Variants in SPCS2 observed in about 807,000 individuals in gnomAD.
The protein encoded by SPCS2 is signal peptidase complex subunit 2.
A neutral mutation model predicts 22.3 loss-of-function variants in SPCS2; 3 were observed. The observed-to-expected ratio is 0.13, with a 90% confidence interval of 0.06 to 0.35. The LOEUF is 0.35. SPCS2 is among the 10% of genes least tolerant of loss of function. The probability of loss-of-function intolerance (pLI) is 1.00; values close to 1 mark genes in which losing one functional copy is unlikely to be tolerated. For synonymous variants in SPCS2, 67 were observed against 97.2 expected (o/e 0.69, Z 1.83); for missense variants, 169 against 280.9 (o/e 0.60, Z 2.85).
intron 1 of SPCS2, among the ~76,000 whole-genome samples, chr11:74,956,835 A>G (rs1948481914): frequency 1.3e-5 from 2 of 151,266 alleles, no homozygotes; most frequent in South Asian, 2.1e-4. Flanking sequence ...GAGTCATTAT[A>G]CTCTGGAAAC....
At chr11:74,969,511 T>G in intron 3 of SPCS2, 54 bp from the exon 4 acceptor site, 1 of 1,548,958 alleles carries the variant, frequency 6.5e-7, no homozygotes, top group Non-Finnish European at 8.8e-7. Flanking sequence ...TGCTTGTCAA[T>G]TTGTGTTACT....
chr11:74,966,046 T>C, intron 3 of SPCS2, 123 bp downstream of exon 3: 1 of 858,412 alleles, frequency 1.2e-6, no homozygotes, highest in South Asian at 1.8e-5. Context: ...GAATTCAACA[T>C]TTTGAGCTGT....
chr11:74,965,899 C>G lies in SPCS2; in HGVS notation c.335C>G (p.Pro112Arg), dbSNP rs1341735441. The G allele has an allele frequency of 6.2e-7, 1 of 1,611,188 alleles. No individual in the cohort carries two copies. The highest frequency in any genetic ancestry group is 8.5e-7 in the Non-Finnish European group (1 of 1,179,150). The change falls in exon 3 of 5, where the codon CCC (proline) becomes CGC (arginine). Residue 112 changes from proline to arginine, a missense_variant. Physicochemically the swap from Pro to Arg is moderately radical, Grantham distance 103. Transcript: ENST00000263672. ...ATGCACCCCTTTCCAGAGTCCAAAC[C>G]CGTTTTGGCTTTGTGTGTCATATCA... The part of the protein sequence containing the change: ...DYMHPFPESK[P>R]VLALCVISYF...
chr11:74,978,819 T>C lies in SPCS2; in HGVS notation c.*1776T>C, dbSNP rs1201001507. On this transcript the variant is annotated 3_prime_UTR_variant, in exon 5 of 5. Coordinates refer to ENST00000263672, the MANE Select transcript of SPCS2 (RefSeq NM_014752.3). ...TCGAGGCTTGCAGATAGAGACTGAA[T>C]AACCCTCTCCATGATGATCCCTTAG... 1 of 152,220 alleles carries C rather than the reference T, an allele frequency of 6.6e-6. No homozygotes were observed. Among genetic ancestry groups the C allele is most frequent in the African/African-American group, 2.4e-5 (1 of 41,452 alleles). 9.4% of individuals were successfully genotyped at this position (152,220 alleles called of 1,614,324 possible).
intron 1 of SPCS2, among the ~76,000 whole-genome samples, chr11:74,960,419 A>G (rs1227887872): frequency 6.6e-6 from 1 of 151,752 alleles, no homozygotes; most frequent in East Asian, 1.9e-4. Flanking sequence ...TTTCAGCCAA[A>G]TTGCAGTTGG....
chr11:74,949,600 C>T (rs1251415366), intron 1 of SPCS2: 2 of 634,304 alleles, frequency 3.2e-6, no homozygotes, highest in Non-Finnish European at 5.9e-6. Context: ...CTCTTTAGAA[C>T]TTCTTCTTTT....
intron 4 of SPCS2, among the ~76,000 whole-genome samples, chr11:74,970,980 CA>C (rs971793491): frequency 2.0e-5 from 3 of 148,656 alleles, no homozygotes; most frequent in African/African-American, 4.9e-5. Flanking sequence ...TTCATCACCT[CA>C]AAAAAAAAAC....
At chr11:74,963,743 T>G (rs1948528315) in intron 1 of SPCS2, 3 of 222,536 alleles carry the variant, frequency 1.3e-5, no homozygotes, top group South Asian at 9.8e-5. Context: ...GTACTTGTGC[T>G]CAATCCGAAA....
chr11:74,949,392 T>C lies in SPCS2; in HGVS notation c.107T>C (p.Leu36Ser). 6.4e-7 allele frequency: 1 copy of C among 1,551,252 alleles called. No homozygotes were observed. The highest frequency in any genetic ancestry group is 8.7e-7 in the Non-Finnish European group (1 of 1,146,780). ...CGTGSGRSGL[L>S]DKWKIDDKPV... ...ACAGGAAGTGGCCGTAGCGGCTTGT[T>C]GGATAAGGTGAGGAGCCGGTTCTTG... Residue 36 changes from leucine to serine, a missense_variant, in exon 1 of 5, where the codon TTG (leucine) becomes TCG (serine). Coordinates refer to ENST00000263672, the MANE Select transcript of SPCS2 (RefSeq NM_014752.3).
intron 1 of SPCS2, among the ~76,000 whole-genome samples, chr11:74,960,156 C>A (rs939362620): frequency 5.3e-5 from 8 of 152,094 alleles, no homozygotes; most frequent in African/African-American, 1.7e-4. Context: ...CATGGTGAAA[C>A]CCCATCTCTA....
intron 4 of SPCS2, among the ~76,000 whole-genome samples, chr11:74,970,320 C>T (rs1297973664): frequency 1.3e-5 from 2 of 152,148 alleles, no homozygotes; most frequent in East Asian, 3.8e-4. Flanking sequence ...ATAATAATAG[C>T]AAATGTTTAT....
At chr11:74,962,548 CAAAA>C (rs10708446) in intron 1 of SPCS2, among the ~76,000 whole-genome samples, 1 of 127,736 alleles carries the variant, frequency 7.8e-6, no homozygotes, top group Non-Finnish European at 1.7e-5. Context: ...AAAATTGAGG[CAAAA>C]AAAAAAAAAA....
chr11:74,951,588 A>G (rs1228993547), intron 1 of SPCS2, among the ~76,000 whole-genome samples: 1 of 152,056 alleles, frequency 6.6e-6, no homozygotes, highest in Non-Finnish European at 1.5e-5. Flanking sequence ...AGGCAGGCGG[A>G]TCACCTGAGG....
intron 1 of SPCS2, among the ~76,000 whole-genome samples, chr11:74,955,149 C>T (rs1948469660): frequency 6.6e-6 from 1 of 152,166 alleles, no homozygotes; most frequent in Non-Finnish European, 1.5e-5. Context: ...TGTGGTGGCA[C>T]TCTTGGAAAC....
rs961022761 is a variant in SPCS2 at position 74,967,623 on chromosome 11, C to G, written c.359+1700C>G. ...AATTAGCTGGGCATGGTGGCGCATG[C>G]CTGTAGTCCCAGATAGTTGGGAGGC... On this transcript the variant is annotated intron_variant, in intron 3 of 4. Coordinates refer to ENST00000263672, the MANE Select transcript of SPCS2 (RefSeq NM_014752.3). Among the ~76,000 whole-genome samples the G allele has an allele frequency of 5.9e-5, 9 of 152,148 alleles. 1 individual carries two copies. Among genetic ancestry groups the G allele is most frequent in the Admixed American group, 2.0e-4 (3 of 15,282 alleles).
intron 4 of SPCS2, 150 bp from the exon 5 acceptor site, chr11:74,976,707 G>T (rs1591743829): frequency 1.1e-6 from 1 of 939,896 alleles, no homozygotes; most frequent in East Asian, 2.6e-5. Context: ...CTGGGGTTTT[G>T]TTTTTGCTTT....
intron 4 of SPCS2, among the ~76,000 whole-genome samples, chr11:74,970,564 A>C (rs1948578534): frequency 6.6e-6 from 1 of 152,210 alleles, no homozygotes; most frequent in Non-Finnish European, 1.5e-5. Context: ...AGCCGCACAA[A>C]TTATAGGTAC....
At chr11:74,951,041 C>A (rs1047311249) in intron 1 of SPCS2, among the ~76,000 whole-genome samples, 1 of 152,198 alleles carries the variant, frequency 6.6e-6, no homozygotes, top group Non-Finnish European at 1.5e-5. Context: ...CTTGGATCAT[C>A]ATCAGCAAAC....
In SPCS2 at chr11:74,951,504, G is replaced by A. The variant is rs932060592; in HGVS notation, c.114+2105G>A. ...GAGAGAAATAGAGTGAACCCTGCGAGCTTATTGATAAGAGTAAGAGCCTCG... is the reference window on the plus strand; with the variant it reads ...GAGAGAAATAGAGTGAACCCTGCGAACTTATTGATAAGAGTAAGAGCCTCG... On this transcript the variant is annotated intron_variant, in intron 1 of 4. Coordinates refer to ENST00000263672, the MANE Select transcript of SPCS2 (RefSeq NM_014752.3). 5.3e-5 allele frequency among the ~76,000 whole-genome samples: 8 copies of A among 152,140 alleles called. 1 individual carries two copies. Among genetic ancestry groups the A allele is most frequent in the African/African-American group, 1.9e-4 (8 of 41,506 alleles).
Sources: allele counts gnomAD v4.1 joint callset (sites outside exome capture counted in the v4.1 genomes callset), GRCh38; gene constraint gnomAD v4.1.1; transcripts MANE v1.5; gene names NCBI Gene and HGNC (gene_info 2026-07-23, HGNC 2026-07-21).